Variants in KIAA1217 observed in about 807,000 individuals in gnomAD.
KIAA1217 encodes the protein KIAA1217, also known as sickle tail protein homolog.
KIAA1217 carries 88 observed loss-of-function variants against 163.9 expected under a neutral mutation model. The ratio of observed to expected loss-of-function variants is 0.54; its 90% CI spans 0.45 to 0.64. The LOEUF (loss-of-function observed/expected upper bound fraction) is 0.64, where lower values mean the gene tolerates loss of function less well. KIAA1217 is among the 30% of genes least tolerant of loss of function. KIAA1217 has a pLI of 0.00. For synonymous variants in KIAA1217, 903 were observed against 923.1 expected (o/e 0.98, Z 0.39); for missense variants, 2,372 against 2,475.0 (o/e 0.96, Z 0.88).
chr10:23,934,924 A>AT (rs1442723953), intron 1 of KIAA1217, among the ~76,000 whole-genome samples: 2 of 151,840 alleles, frequency 1.3e-5, no homozygotes, highest in East Asian at 3.9e-4. Flanking sequence ...GCCAAAGTAT[A>AT]TTTTTTTAAA....
intron 2 of KIAA1217, among the ~76,000 whole-genome samples, chr10:24,163,160 G>T (rs2065194482): frequency 6.6e-6 from 1 of 152,150 alleles, no homozygotes; most frequent in South Asian, 2.1e-4. Context: ...GAACACAGTT[G>T]GCCCCAGCCT....
intron 2 of KIAA1217, among the ~76,000 whole-genome samples, chr10:24,021,425 T>G (rs1847727767): frequency 6.6e-6 from 1 of 151,888 alleles, no homozygotes. Flanking sequence ...TGAAAAATTA[T>G]AAACTCAAAA....
rs190590548 is a variant in KIAA1217 at position 24,465,120 on chromosome 10, T to C, written c.847-8108T>C. 1.6e-4 allele frequency among the ~76,000 whole-genome samples: 24 copies of C among 152,334 alleles called. No homozygotes were observed. In the East Asian group the frequency reaches 3.9e-3, roughly 24 times the overall value. Reference sequence around the variant, plus strand: ...AAGACACAAAACAAAACCTGCCTAATGTATACCAGATTCATCAGAAGCTGA... The same window carrying C: ...AAGACACAAAACAAAACCTGCCTAACGTATACCAGATTCATCAGAAGCTGA... On this transcript the variant is annotated intron_variant, in intron 5 of 20. Coordinates refer to ENST00000376454, the MANE Select transcript of KIAA1217 (RefSeq NM_019590.5).
intron 2 of KIAA1217, among the ~76,000 whole-genome samples, chr10:24,338,816 T>C (rs540556297): frequency 1.4e-4 from 22 of 152,326 alleles, no homozygotes; most frequent in African/African-American, 5.1e-4. Flanking sequence ...TATTATTATA[T>C]GGATAACTTT....
At chr10:23,730,574 C>G (rs1030673312) in intron 1 of KIAA1217, among the ~76,000 whole-genome samples, 9 of 152,072 alleles carry the variant, frequency 5.9e-5, no homozygotes, top group Non-Finnish European at 1.3e-4. Flanking sequence ...ATTTATAGAT[C>G]TAGTTGGGAA....
At chr10:24,319,474 G>C (rs1434315350) in intron 2 of KIAA1217, among the ~76,000 whole-genome samples, 4 of 149,722 alleles carry the variant, frequency 2.7e-5, no homozygotes, top group Non-Finnish European at 5.9e-5. Context: ...TTGATGTACT[G>C]TCTGTGAACA....
At position 24,279,394 on chromosome 10, in the gene KIAA1217, A is replaced by G. The variant is rs146051906; in HGVS notation, c.354+59485A>G. Among the ~76,000 whole-genome samples the G allele has an allele frequency of 1.3e-3, 203 of 152,136 alleles. 2 individuals are homozygous for G. Among genetic ancestry groups the G allele is most frequent in the African/African-American group, 4.4e-3 (182 of 41,530 alleles). On this transcript the variant is annotated intron_variant, in intron 2 of 20. Transcript: ENST00000376454. ...ATTGATGGCATCTGACTCAGTCATA[A>G]CTATCTTTAATACATCATTATAAAA...
intron 4 of KIAA1217, among the ~76,000 whole-genome samples, chr10:24,434,884 G>A (rs1229308850): frequency 6.6e-6 from 1 of 152,198 alleles, no homozygotes; most frequent in East Asian, 1.9e-4. Context: ...AGCCAGCTAA[G>A]TACCAAGCTC....
chr10:24,068,501 T>C (rs1320726398), intron 2 of KIAA1217, among the ~76,000 whole-genome samples: 1 of 152,224 alleles, frequency 6.6e-6, no homozygotes, highest in Non-Finnish European at 1.5e-5. Context: ...GTTTCTTAGT[T>C]TGAATCATGT....
chr10:24,293,584 C>T (rs1341563313), intron 2 of KIAA1217, among the ~76,000 whole-genome samples: 1 of 152,192 alleles, frequency 6.6e-6, no homozygotes, highest in Non-Finnish European at 1.5e-5. Context: ...CTGAGAGTGA[C>T]TCAGCTTAAA....
At chr10:24,483,775 AATGAG>A (rs2065000957) in intron 6 of KIAA1217, among the ~76,000 whole-genome samples, 1 of 152,190 alleles carries the variant, frequency 6.6e-6, no homozygotes, top group South Asian at 2.1e-4. Flanking sequence ...CTGTGCAAAA[AATGAG>A]ATGTCAATTC....
Position 23,846,692 on chromosome 10 carries a change from T to C in KIAA1217, c.-321+151458T>C, listed in dbSNP as rs572738938. On this transcript the variant is annotated intron_variant, in intron 1 of 18. Transcript: ENST00000376462. ...ATGTCATCTGCAAACAGAGACAATTTGACTTCCTCTCTTCCTATTTGAATA... is the reference window on the plus strand; with the variant it reads ...ATGTCATCTGCAAACAGAGACAATTCGACTTCCTCTCTTCCTATTTGAATA... Among the ~76,000 whole-genome samples the C allele has an allele frequency of 3.9e-5, 6 of 152,336 alleles. No homozygotes were observed. In the South Asian group the frequency reaches 1.2e-3, roughly 32 times the overall value.
intron 1 of KIAA1217, among the ~76,000 whole-genome samples, chr10:23,949,090 A>AT (rs1844200140): frequency 6.6e-6 from 1 of 152,226 alleles, no homozygotes; most frequent in Non-Finnish European, 1.5e-5. Flanking sequence ...GAATCAGAGA[A>AT]GATTCCTTAC....
chr10:23,823,247 C>G (rs563427187), intron 1 of KIAA1217, among the ~76,000 whole-genome samples: 51 of 152,288 alleles, frequency 3.3e-4, no homozygotes, highest in African/African-American at 1.1e-3. Flanking sequence ...CGGTTCGTTA[C>G]GGTTGTAGGA....
chr10:24,346,815 C>T (rs2047846992), intron 2 of KIAA1217, among the ~76,000 whole-genome samples: 1 of 151,988 alleles, frequency 6.6e-6, no homozygotes, highest in South Asian at 2.1e-4. Flanking sequence ...AAGTGATCCT[C>T]CCACCTTGGC....
chr10:23,970,501 G>T (rs994190785), intron 1 of KIAA1217, among the ~76,000 whole-genome samples: 47 of 152,162 alleles, frequency 3.1e-4, no homozygotes, highest in Non-Finnish European at 6.8e-4. Context: ...GCTTGGAAGG[G>T]GTAAATATTG....
intron 3 of KIAA1217, among the ~76,000 whole-genome samples, chr10:24,413,449 G>C (rs1306864370): frequency 6.6e-6 from 1 of 152,206 alleles, no homozygotes; most frequent in Non-Finnish European, 1.5e-5. Flanking sequence ...TAGGATTACA[G>C]GCATGAGCCA....
At chr10:24,121,538 T>C (rs568482197) in intron 2 of KIAA1217, among the ~76,000 whole-genome samples, 1 of 152,312 alleles carries the variant, frequency 6.6e-6, no homozygotes, top group African/African-American at 2.4e-5. Context: ...ATGAAGTCTT[T>C]CAAATTGTCA....
At chr10:23,841,444 T>G (rs1838777946) in intron 1 of KIAA1217, among the ~76,000 whole-genome samples, 1 of 152,172 alleles carries the variant, frequency 6.6e-6, no homozygotes, top group Admixed American at 6.6e-5. Context: ...CCAAAATAAT[T>G]GATGCATGCT....
Sources: allele counts gnomAD v4.1 joint callset (sites outside exome capture counted in the v4.1 genomes callset), GRCh38; gene constraint gnomAD v4.1.1; transcripts MANE v1.5; gene names NCBI Gene and HGNC (gene_info 2026-07-23, HGNC 2026-07-21).